FYB1: variants seen among roughly 807,000 people sequenced by gnomAD.
The protein encoded by FYB1 is FYN binding protein 1.
A neutral mutation model predicts 94.1 loss-of-function variants in FYB1; 41 were observed. The observed-to-expected ratio is 0.44, with a 90% CI of 0.34 to 0.57. The LOEUF is 0.57. Among genes scored for constraint, FYB1 ranks in the 20% least tolerant of loss-of-function variants. The probability of loss-of-function intolerance (pLI) is 0.02; values close to 1 mark genes in which losing one functional copy is unlikely to be tolerated. For synonymous variants in FYB1, 367 were observed against 353.2 expected, an observed-to-expected ratio of 1.04 and a Z score of -0.44; for missense variants, 1,050 against 976.8, an observed-to-expected ratio of 1.07 and a Z score of -1.00.
chr5:39,216,258 G>A (rs1284168795), intron 1 of FYB1, among the ~76,000 whole-genome samples: 1 of 151,996 alleles, frequency 6.6e-6, no homozygotes, highest in Non-Finnish European at 1.5e-5. Context: ...AACTTTTTTC[G>A]TGTGTGTGTA....
chr5:39,115,165 G>T (rs410653), intron 16 of FYB1, among the ~76,000 whole-genome samples: 2 of 150,704 alleles, frequency 1.3e-5, no homozygotes, highest in Non-Finnish European at 2.9e-5. Flanking sequence ...GTGCAATCTC[G>T]GCTAACTGCA....
intron 2 of FYB1, among the ~76,000 whole-genome samples, chr5:39,189,605 C>A (rs1747175473): frequency 6.6e-6 from 1 of 151,884 alleles, no homozygotes; most frequent in Non-Finnish European, 1.5e-5. Flanking sequence ...GTGGTTCTGG[C>A]TTTTATTTTT....
At chr5:39,235,922 A>G (rs567796577) in intron 1 of FYB1, among the ~76,000 whole-genome samples, 1 of 152,222 alleles carries the variant, frequency 6.6e-6, no homozygotes, top group Admixed American at 6.5e-5. Flanking sequence ...GCCACTGACC[A>G]CATTTCACTA....
intron 3 of FYB1, among the ~76,000 whole-genome samples, chr5:39,150,886 A>G (rs929951104): frequency 1.3e-5 from 2 of 152,134 alleles, no homozygotes; most frequent in Non-Finnish European, 2.9e-5. Context: ...CATTAAGGTG[A>G]TTTTTATAAA....
intron 2 of FYB1, among the ~76,000 whole-genome samples, chr5:39,191,680 G>T (rs912654584): frequency 2.0e-5 from 3 of 152,136 alleles, no homozygotes; most frequent in Non-Finnish European, 4.4e-5. Flanking sequence ...GCAGTTAAAT[G>T]TCTCCAACTT....
At chr5:39,166,773 T>C (rs1744778509) in intron 2 of FYB1, among the ~76,000 whole-genome samples, 1 of 150,238 alleles carries the variant, frequency 6.7e-6, no homozygotes, top group Admixed American at 6.7e-5. Flanking sequence ...GGACATAGAG[T>C]GTGAAATAAT....
chr5:39,118,027 G>A (rs1195314870), intron 16 of FYB1, among the ~76,000 whole-genome samples: 1 of 152,008 alleles, frequency 6.6e-6, no homozygotes, highest in African/African-American at 2.4e-5. Context: ...AGCCTCCCAA[G>A]TAGCTGGGAC....
chr5:39,254,537 T>C (rs894518071), intron 1 of FYB1, among the ~76,000 whole-genome samples: 1 of 152,232 alleles, frequency 6.6e-6, no homozygotes, highest in African/African-American at 2.4e-5. Context: ...TAGCATATAT[T>C]GGTTGGCATG....
intron 1 of FYB1, among the ~76,000 whole-genome samples, chr5:39,273,211 G>GTT: frequency 6.6e-6 from 1 of 152,354 alleles, no homozygotes; most frequent in Non-Finnish European, 1.5e-5. Context: ...AGGGGAAAAG[G>GTT]TGGGGAAAAG....
intron 10 of FYB1, among the ~76,000 whole-genome samples, chr5:39,129,962 G>A (rs1429896840): frequency 6.6e-6 from 1 of 151,928 alleles, no homozygotes; most frequent in Non-Finnish European, 1.5e-5. Flanking sequence ...GCATCCCCAA[G>A]TGTATTGCAG....
chr5:39,105,768 A>T lies in FYB1; in HGVS notation c.*1675T>A, dbSNP rs1381860648. ...TCTAGTGTGAAAAGAAATTAATCAC[A>T]TGGTCATATACTGGCTAGTGCTCTC... On this transcript the variant is annotated 3_prime_UTR_variant, in exon 19 of 19. Transcript: ENST00000512982. 6.6e-6 allele frequency: 1 copy of T among 152,206 alleles called. No individual in the cohort carries two copies. Among genetic ancestry groups the T allele is most frequent in the Non-Finnish European group, 1.5e-5 (1 of 68,036 alleles). The allele number at this position is 152,206 out of a possible 1,614,324, so 9.4% of individuals were successfully genotyped here.
chr5:39,228,263 G>A (rs560197176), intron 1 of FYB1, among the ~76,000 whole-genome samples: 79 of 152,236 alleles, frequency 5.2e-4, no homozygotes, highest in African/African-American at 1.8e-3. Context: ...CAAGAAATAG[G>A]CCTGAGGAAC....
upstream of FYB1, among the ~76,000 whole-genome samples, chr5:39,220,088 G>A (rs1199807476): frequency 6.6e-6 from 1 of 152,114 alleles, no homozygotes; most frequent in Non-Finnish European, 1.5e-5. Flanking sequence ...AAGAAATGGA[G>A]TATTTAGATG....
chr5:39,185,595 T>TACATATATATACACATATATATATACAC (rs1554034781), intron 2 of FYB1, among the ~76,000 whole-genome samples: 2,374 of 145,148 alleles, frequency 0.016, 92 homozygotes, highest in African/African-American at 0.057. Context: ...TACATATATA[T>TACATATATATACACATATATATATACAC]ACATATATAT....
chr5:39,210,341 G>T (rs932370686), intron 1 of FYB1, among the ~76,000 whole-genome samples: 5 of 152,210 alleles, frequency 3.3e-5, no homozygotes, highest in African/African-American at 9.6e-5. Context: ...CACAGATATC[G>T]CTGTGCATTA....
upstream of FYB1, among the ~76,000 whole-genome samples, chr5:39,220,957 C>T (rs758536305): frequency 1.3e-5 from 2 of 152,082 alleles, no homozygotes; most frequent in Non-Finnish European, 2.9e-5. Flanking sequence ...TGGCTGAGAC[C>T]GTATATGGCC....
At chr5:39,272,739 A>G (rs1752702216) in intron 1 of FYB1, among the ~76,000 whole-genome samples, 1 of 151,874 alleles carries the variant, frequency 6.6e-6, no homozygotes. Flanking sequence ...CTATACCAGT[A>G]AGTTGGACAC....
chr5:39,173,774 G>C (rs992293236), intron 2 of FYB1, among the ~76,000 whole-genome samples: 1 of 151,984 alleles, frequency 6.6e-6, no homozygotes, highest in South Asian at 2.1e-4. Context: ...TTCATTTCTG[G>C]GTTCTTTATT....
At chr5:39,162,453 G>A (rs539314399) in intron 2 of FYB1, among the ~76,000 whole-genome samples, 6 of 152,196 alleles carry the variant, frequency 3.9e-5, no homozygotes, top group South Asian at 2.1e-4. Flanking sequence ...TTGGGAGGCC[G>A]AGGTGGGCAG....
Sources: allele counts gnomAD v4.1 joint callset (sites outside exome capture counted in the v4.1 genomes callset), GRCh38; gene constraint gnomAD v4.1.1; transcripts MANE v1.5; gene names NCBI Gene and HGNC (gene_info 2026-07-23, HGNC 2026-07-21).